The following RPS7 variants were observed in gnomAD, a reference collection of about 807,000 sequenced individuals.
The protein encoded by RPS7 is ribosomal protein S7.
In RPS7, 1 loss-of-function variant was observed where a neutral mutation model predicts 22.1. The ratio of observed to expected loss-of-function variants is 0.05; its 90% CI spans 0.02 to 0.21. The LOEUF (loss-of-function observed/expected upper bound fraction) is 0.21. Ranked by LOEUF, RPS7 falls within the 10% of genes least tolerant of loss-of-function variation. RPS7 has a pLI of 1.00. For synonymous variants in RPS7, 80 were observed against 92.0 expected (o/e 0.87, Z 0.74); for missense variants, 137 against 246.4 (o/e 0.56, Z 2.97).
chr2:3,577,545 A>G (rs921788213), intron 4 of RPS7, 165 bp from the exon 5 acceptor site: 1 of 636,322 alleles, frequency 1.6e-6, no homozygotes, highest in Non-Finnish European at 2.8e-6. Flanking sequence ...AAGTAACTCC[A>G]TAGAAGGGTT....
chr2:3,576,280 A>C (rs563986593), intron 3 of RPS7: 1 of 645,374 alleles, frequency 1.5e-6, no homozygotes, highest in East Asian at 2.7e-5. Context: ...CCTGGCCTGA[A>C]CAGTCTCCCT....
intron 5 of RPS7, chr2:3,579,713 A>AG (rs955647344): frequency 9.9e-5 from 28 of 282,486 alleles, no homozygotes; most frequent in Middle Eastern, 1.3e-3. Context: ...TGACATTGGA[A>AG]GGGGGTGGTT....
intron 1 of RPS7, 73 bp from the exon 2 acceptor site, chr2:3,575,519 G>C (rs1661254189): frequency 4.9e-6 from 5 of 1,030,488 alleles, no homozygotes; most frequent in Non-Finnish European, 6.0e-6. Context: ...GCCTGGCCGG[G>C]GGGTGCGGGC....
At position 3,575,829 on chromosome 2, in the gene RPS7, C is replaced by T. The variant is rs372177931; in HGVS notation, c.88C>T (p.Leu30=). 7 of 1,612,034 alleles carry T rather than the reference C, an allele frequency of 4.3e-6. No individual in the cohort carries two copies. The African/African-American group carries it at 5.3e-5, about 12-fold the overall frequency. The stretch of plus-strand genomic sequence containing the variant: ...CGTTGCTTCTTAGGCTCTTCTGGAG[C>T]TGGAGATGAACTCGGACCTCAAGGC... The part of the protein sequence containing the change: ...ESGISQALLE[L]EMNSDLKAQL... The change falls in exon 3 of 7, where the codon CTG becomes TTG. Residue 30 remains leucine (L), a synonymous_variant. Transcript: ENST00000645674.
rs1661268356 is a variant in RPS7 at position 3,575,983 on chromosome 2, C to T, written c.147+95C>T. On this transcript the variant is annotated intron_variant, in intron 3 of 6. Coordinates refer to ENST00000645674, the MANE Select transcript of RPS7 (RefSeq NM_001011.4). ...GGACCTGGGTTACGGTTGATGATGA[C>T]TTGCCGCCTGGCCGCCTAACCTGAA... is the stretch of plus-strand genomic sequence containing the variant. The T allele has an allele frequency of 2.2e-5, 20 of 916,426 alleles. No homozygotes were observed. The South Asian group carries it at 2.2e-4, about 10-fold the overall frequency. 56.8% of individuals were successfully genotyped at this position (916,426 alleles called of 1,614,324 possible). A position where few individuals can be genotyped will look rare whatever the true frequency, so the allele number is the denominator to read the frequency against.
At chr2:3,580,635 A>C (rs1474031913) in intron 6 of RPS7, 170 bp from the exon 7 acceptor site, 3 of 658,636 alleles carry the variant, frequency 4.6e-6, no homozygotes, top group Non-Finnish European at 8.2e-6. Flanking sequence ...GTTCTGTCCC[A>C]CAGCATTGGA....
At chr2:3,575,385 C>T in intron 1 of RPS7, 35 bp downstream of exon 1, 2 of 568,924 alleles carry the variant, frequency 3.5e-6, no homozygotes, top group Admixed American at 3.4e-5. Flanking sequence ...CAGAACTTTT[C>T]TTCTTGGGTT....
intron 5 of RPS7, chr2:3,579,188 T>C (rs372131195): frequency 6.1e-4 from 93 of 152,366 alleles, no homozygotes; most frequent in African/African-American, 2.1e-3. Context: ...GGTGCTTTCC[T>C]AGTATTGTAA....
chr2:3,579,672 T>G, intron 5 of RPS7: 1 of 219,868 alleles, frequency 4.5e-6, no homozygotes, highest in Non-Finnish European at 9.2e-6. Context: ...GTAAATGATG[T>G]GATCATATCC....
chr2:3,575,505 C>A, intron 1 of RPS7, 87 bp from the exon 2 acceptor site: 1 of 816,662 alleles, frequency 1.2e-6, no homozygotes. Flanking sequence ...GCGGGGCGAG[C>A]GGGGCCTGGC....
Position 3,580,115 on chromosome 2 carries a change from C to G in RPS7, c.362C>G (p.Thr121Ser), listed in dbSNP as rs1661369867. 1 of 1,613,770 alleles carries G rather than the reference C, an allele frequency of 6.2e-7. No individual in the cohort carries two copies. Among genetic ancestry groups the G allele is most frequent in the Non-Finnish European group, 8.5e-7 (1 of 1,179,828 alleles). ...CTTTTAAACTATTCTTTTAGCCGTA[C>G]TCTGACAGCTGTGCACGATGCCATC... Reference protein sequence around the residue: ...KNKQKRPRSRTLTAVHDAILE... With the variant: ...KNKQKRPRSRSLTAVHDAILE... Residue 121 changes from threonine to serine, a missense_variant, in exon 6 of 7, where the codon ACT (threonine) becomes AGT (serine). This residue lies in a region of RPS7 where 74 missense variants were observed against 171.4 expected (regional missense o/e 0.43). Transcript: ENST00000645674.
At chr2:3,575,936 C>A in intron 3 of RPS7, 48 bp downstream of exon 3, 6 of 1,364,762 alleles carry the variant, frequency 4.4e-6, no homozygotes, top group Middle Eastern at 2.5e-4. Flanking sequence ...GCGCGTCTCC[C>A]CGCGCAGTGC....
intron 3 of RPS7, chr2:3,576,204 A>C: frequency 3.4e-6 from 2 of 593,014 alleles, no homozygotes; most frequent in South Asian, 4.0e-5. Flanking sequence ...GCTCAGGATG[A>C]GATTCTCTCT....
intron 3 of RPS7, 160 bp from the exon 4 acceptor site, chr2:3,576,327 G>C: frequency 2.7e-6 from 2 of 739,818 alleles, no homozygotes; most frequent in Non-Finnish European, 2.4e-6. Context: ...GGAGAGAGAT[G>C]AGAACATTTC....
At chr2:3,576,134 G>T (rs1254936789) in intron 3 of RPS7, 13 of 603,664 alleles carry the variant, frequency 2.2e-5, no homozygotes, top group Non-Finnish European at 3.2e-5. Context: ...GAGGGCCTGG[G>T]CCCATTTCGG....
At chr2:3,576,285 C>T in intron 3 of RPS7, 2 of 652,936 alleles carry the variant, frequency 3.1e-6, no homozygotes, top group Non-Finnish European at 5.5e-6. Flanking sequence ...CCTGAACAGT[C>T]TCCCTTCCTG....
chr2:3,577,842 TG>T, intron 5 of RPS7, 68 bp downstream of exon 5: 1 of 1,108,338 alleles, frequency 9.0e-7, no homozygotes, highest in East Asian at 2.4e-5. Context: ...TTGTTTAAGT[TG>T]TAGTTTATGA....
At chr2:3,575,782 G>T in intron 2 of RPS7, 35 bp from the exon 3 acceptor site, 3 of 1,604,942 alleles carry the variant, frequency 1.9e-6, no homozygotes, top group Admixed American at 1.7e-5. Flanking sequence ...TCGGACGCGC[G>T]CTCAGGGTCG....
chr2:3,579,630 GCA>G, intron 5 of RPS7: 2 of 185,186 alleles, frequency 1.1e-5, no homozygotes, highest in Admixed American at 1.1e-4. Context: ...CAGACGAGGA[GCA>G]AGATTCCACT....
Sources: allele counts gnomAD v4.1 joint callset, GRCh38; gene constraint gnomAD v4.1.1; regional missense constraint gnomAD v4.1.1; transcripts MANE v1.5; gene names NCBI Gene and HGNC (gene_info 2026-07-23, HGNC 2026-07-21).